Variants in PCDHGB3 observed in about 807,000 individuals in gnomAD.
PCDHGB3 encodes the protein protocadherin gamma-B3.
A neutral mutation model predicts 59.2 loss-of-function variants in PCDHGB3; 40 were observed. That is an observed-to-expected ratio of 0.68 (90% CI 0.52 to 0.88). The LOEUF is 0.88. Ranked by LOEUF, PCDHGB3 falls within the 40% of genes least tolerant of loss-of-function variation. PCDHGB3 has a pLI of 0.00. For missense variants in PCDHGB3, 1,309 were observed against 1,187.9 expected (o/e 1.10, Z -1.50); for synonymous variants, 581 against 503.6 (o/e 1.15, Z -2.06).
intron 2 of PCDHGB3, among the ~76,000 whole-genome samples, chr5:141,501,286 C>T (rs2099806802): frequency 8.9e-6 from 1 of 112,422 alleles, no homozygotes; most frequent in African/African-American, 3.5e-5. Context: ...GGGATATTCC[C>T]TTATACACAC....
chr5:141,440,572 GT>G (rs1233263525), intron 1 of PCDHGB3: 1 of 152,200 alleles, frequency 6.6e-6, no homozygotes, highest in Non-Finnish European at 1.5e-5. Context: ...GTATCTCTGA[GT>G]TTACCCAGCT....
At chr5:141,435,593 G>A (rs183768133) in intron 1 of PCDHGB3, among the ~76,000 whole-genome samples, 9 of 152,112 alleles carry the variant, frequency 5.9e-5, no homozygotes, top group Admixed American at 2.6e-4. Flanking sequence ...CAGTAATATC[G>A]CCTGCTTTTT....
chr5:141,410,849 CTTT>C (rs759346998), intron 1 of PCDHGB3: 1,556 of 136,944 alleles, frequency 0.011, no homozygotes, highest in South Asian at 0.02. Flanking sequence ...TTGTCTTTGT[CTTT>C]TTTTTTTTTT....
At chr5:141,390,207 C>T in intron 1 of PCDHGB3, 1 of 1,614,028 alleles carries the variant, frequency 6.2e-7, no homozygotes, top group Non-Finnish European at 8.5e-7. Flanking sequence ...GAGTTCAGGA[C>T]AAGACATACT....
intron 1 of PCDHGB3, among the ~76,000 whole-genome samples, chr5:141,457,632 G>A (rs919693977): frequency 6.6e-6 from 1 of 152,142 alleles, no homozygotes; most frequent in African/African-American, 2.4e-5. Flanking sequence ...CTTATACTTG[G>A]CCTGATTATT....
In PCDHGB3 at chr5:141,371,390, A is replaced by G; in HGVS notation, c.996A>G (p.Lys332=). ...GTGGACATCACACTGCATATTGTAA[A>G]GTACAGATAGATATTTCAGATGAAA... is the stretch of plus-strand genomic sequence containing the variant. ...KDGGHHTAYC[K]VQIDISDEND... is the part of the protein sequence containing the mutation. Residue 332 remains lysine (K), a synonymous_variant, in exon 1 of 4, where the codon AAA becomes AAG. Transcript: ENST00000576222. 1 of 1,614,000 alleles carries G rather than the reference A, an allele frequency of 6.2e-7. No individual in the cohort carries two copies. The highest frequency in any genetic ancestry group is 2.2e-5 in the East Asian group (1 of 44,872).
intron 1 of PCDHGB3, among the ~76,000 whole-genome samples, chr5:141,460,407 TTG>T: frequency 6.6e-6 from 1 of 152,188 alleles, no homozygotes; most frequent in Non-Finnish European, 1.5e-5. Flanking sequence ...TCCTTTTGAG[TTG>T]ATGTTTATGT....
chr5:141,385,368 T>TG, intron 1 of PCDHGB3: 4 of 1,535,720 alleles, frequency 2.6e-6, no homozygotes, highest in Non-Finnish European at 3.5e-6. Flanking sequence ...TTTATTTGCA[T>TG]GATATTTCTC....
At chr5:141,419,674 C>A (rs372932653) in intron 1 of PCDHGB3, 1 of 1,612,938 alleles carries the variant, frequency 6.2e-7, no homozygotes, top group Non-Finnish European at 8.5e-7. Flanking sequence ...CCTGGCTGTC[C>A]TACCACGTGG....
In PCDHGB3 at chr5:141,414,483, A is replaced by G. The variant is rs756254490; in HGVS notation, c.2415+41674A>G. 20 of 1,613,826 alleles carry G rather than the reference A, an allele frequency of 1.2e-5. No homozygotes were observed. In the Admixed American group the frequency reaches 1.8e-4, roughly 15 times the overall value. ...CCACAGATGGGGGAAGTCCTCCTCT[A>G]TCAACGGAAGCTCACTTTATGCTAC... On this transcript the variant is annotated intron_variant, in intron 1 of 3. Transcript: ENST00000576222.
At position 141,370,925 on chromosome 5, in the gene PCDHGB3, C is replaced by T. The variant is rs1292549749; in HGVS notation, c.531C>T (p.His177=). The part of the protein sequence containing the change: ...LQQYYLSPDP[H]FSLIQKENLD... The stretch of plus-strand genomic sequence containing the variant: ...AGTACTACCTCAGCCCTGATCCGCA[C>T]TTCTCTTTGATTCAGAAGGAGAACC... The change falls in exon 1 of 4, where the codon CAC becomes CAT. Residue 177 remains histidine, a synonymous_variant. Coordinates refer to ENST00000576222, the MANE Select transcript of PCDHGB3 (RefSeq NM_018924.5). 1.9e-6 allele frequency: 3 copies of T among 1,614,008 alleles called. No individual in the cohort carries two copies. The highest frequency in any genetic ancestry group is 2.5e-6 in the Non-Finnish European group (3 of 1,179,878).
chr5:141,450,758 A>G (rs1007910264), intron 1 of PCDHGB3, among the ~76,000 whole-genome samples: 2 of 151,784 alleles, frequency 1.3e-5, no homozygotes, highest in African/African-American at 4.8e-5. Flanking sequence ...AAGTGCCGGG[A>G]TTACAGGCAT....
chr5:141,449,756 T>C (rs2098654563), intron 1 of PCDHGB3, among the ~76,000 whole-genome samples: 1 of 151,728 alleles, frequency 6.6e-6, no homozygotes, highest in South Asian at 2.1e-4. Flanking sequence ...TTTATGACAT[T>C]TGAGAGTAAG....
chr5:141,501,290 T>TACACAC lies in PCDHGB3; in HGVS notation c.2475-4064_2475-4059dup, dbSNP rs55762287. Among the ~76,000 whole-genome samples the TACACAC allele has an allele frequency of 5.7e-3, 774 of 136,224 alleles. 5 individuals are homozygous for TACACAC. The highest frequency in any genetic ancestry group is 9.9e-3 in the African/African-American group (361 of 36,504). The allele number at this position is 136,224 out of a possible 152,430, so 89.4% of individuals were successfully genotyped here. A position where few individuals can be genotyped will look rare whatever the true frequency, so the allele number is the denominator to read the frequency against. ...GTCCAGTCTATGGGATATTCCCTTA[T>TACACAC]ACACACACACACACACACACACACA... On this transcript the variant is annotated intron_variant, in intron 2 of 3. Transcript: ENST00000576222.
intron 1 of PCDHGB3, chr5:141,433,123 C>G (rs575738328): frequency 3.7e-6 from 6 of 1,614,116 alleles, no homozygotes; most frequent in Non-Finnish European, 5.1e-6. Context: ...TTGAAAAAAG[C>G]GAGCCCCTTT....
At chr5:141,499,300 C>G (rs2154592463) in intron 2 of PCDHGB3, among the ~76,000 whole-genome samples, 1 of 152,292 alleles carries the variant, frequency 6.6e-6, no homozygotes, top group South Asian at 2.1e-4. Context: ...ACTACCATCC[C>G]TCCTCTGAGA....
intron 1 of PCDHGB3, among the ~76,000 whole-genome samples, chr5:141,380,518 T>A (rs1166161347): frequency 2.6e-5 from 4 of 152,254 alleles, no homozygotes; most frequent in Non-Finnish European, 5.9e-5. Context: ...CTTTAAACTA[T>A]GAAATGATTT....
At chr5:141,413,687 T>A (rs1470256826) in intron 1 of PCDHGB3, 5 of 1,613,666 alleles carry the variant, frequency 3.1e-6, no homozygotes, top group Non-Finnish European at 3.4e-6. Flanking sequence ...GTGAACTCCC[T>A]GCAGAGCTAT....
Position 141,385,136 on chromosome 5 carries a change from T to C in PCDHGB3, c.2415+12327T>C, listed in dbSNP as rs760226388. The C allele has an allele frequency of 1.2e-6, 2 of 1,614,180 alleles. No individual in the cohort carries two copies. Among genetic ancestry groups the C allele is most frequent in the Middle Eastern group, 1.6e-4 (1 of 6,062 alleles). ...TCGCACTTTGTGGGCATGGACGGGG[T>C]GCAGGCTTTCCTGCAGACCTATTCC... On this transcript the variant is annotated intron_variant, in intron 1 of 3. Transcript: ENST00000576222.
Sources: gnomAD v4.1 joint callset for allele counts (sites outside exome capture counted in the v4.1 genomes callset) on GRCh38, gnomAD v4.1.1 for gene constraint, MANE v1.5 for transcripts, NCBI Gene and HGNC (gene_info 2026-07-23, HGNC 2026-07-21) for gene names.